The following KIF7 variants were observed in gnomAD, a reference collection of about 807,000 sequenced individuals.
The protein encoded by KIF7 is kinesin-like protein KIF7.
A neutral mutation model predicts 135.7 loss-of-function variants in KIF7; 104 were observed. The ratio of observed to expected loss-of-function variants is 0.77; its 90% CI spans 0.65 to 0.90. KIF7 has a LOEUF of 0.90. Among genes scored for constraint, KIF7 ranks in the 40% least tolerant of loss-of-function variants. The pLI is 0.00. For missense variants in KIF7, 2,005 were observed against 1,839.1 expected (o/e 1.09, Z -1.65); for synonymous variants, 883 against 809.4 (o/e 1.09, Z -1.54).
intron 11 of KIF7, among the ~76,000 whole-genome samples, chr15:89,635,936 G>A (rs569906073): frequency 0.013 from 2,050 of 151,980 alleles, 31 homozygotes; most frequent in Middle Eastern, 0.024. Context: ...GAGAAAGGTC[G>A]GGTTACCCAC....
At chr15:89,644,551 G>T (rs1963976814) in intron 10 of KIF7, among the ~76,000 whole-genome samples, 1 of 151,996 alleles carries the variant, frequency 6.6e-6, no homozygotes, top group Non-Finnish European at 1.5e-5. Flanking sequence ...TGGGTGTGGT[G>T]GCGGGCGCCT....
rs56346950 is a variant in KIF7, at chr15:89,654,330, G to GAA, written c.-25+1067_-25+1068dup. Among the ~76,000 whole-genome samples, 324 of 143,894 alleles carry GAA rather than the reference G, an allele frequency of 2.3e-3. 2 individuals are homozygous for GAA. Among genetic ancestry groups the GAA allele is most frequent in the African/African-American group, 5.7e-3 (226 of 39,318 alleles). The allele number at this position is 143,894 out of a possible 152,430, so 94.4% of individuals were successfully genotyped here. On this transcript the variant is annotated intron_variant, in intron 1 of 18. Coordinates refer to ENST00000394412, the MANE Select transcript of KIF7 (RefSeq NM_198525.3). ...GGCCTGGGATTCAAAATATTAAGGG[G>GAA]AAAAAAAAAAAAGACAAGCCTTAAA... is the stretch of plus-strand genomic sequence containing the variant.
Position 89,642,408 on chromosome 15 carries a change from G to C in KIF7, c.2192-3C>G, listed in dbSNP as rs1024819207. 1 of 1,593,674 alleles carries C rather than the reference G, an allele frequency of 6.3e-7. No homozygotes were observed. Among genetic ancestry groups the C allele is most frequent in the African/African-American group, 1.3e-5 (1 of 74,476 alleles). Reference sequence around the variant, plus strand: ...GTTCAGGGCCTGAGCTGCCTTTCCTGGAAGAAAGCGGGAATGTCAGCACAG... The same window carrying C: ...GTTCAGGGCCTGAGCTGCCTTTCCTCGAAGAAAGCGGGAATGTCAGCACAG... On this transcript the variant is annotated splice_region_variant and splice_polypyrimidine_tract_variant and intron_variant, in intron 10 of 18. Transcript: ENST00000394412.
At chr15:89,630,176 C>G in intron 16 of KIF7, 111 bp downstream of exon 16, 1 of 1,014,128 alleles carries the variant, frequency 9.9e-7, no homozygotes, top group Non-Finnish European at 1.5e-6. Context: ...GGTCCTGATT[C>G]TGTCCCCCAG....
In KIF7 at chr15:89,648,840, C is replaced by G; in HGVS notation, c.924-66G>C. The G allele has an allele frequency of 2.0e-6, 3 of 1,479,594 alleles. No individual in the cohort carries two copies. In the East Asian group the frequency reaches 7.4e-5, roughly 37 times the overall value. 91.7% of individuals were successfully genotyped at this position (1,479,594 alleles called of 1,614,324 possible). A position where few individuals can be genotyped will look rare whatever the true frequency, so the allele number is the denominator to read the frequency against. On this transcript the variant is annotated intron_variant, in intron 4 of 18. Transcript: ENST00000394412. Reference sequence around the variant, plus strand: ...CCAGGCCCAGGGCCAGCGGGCCAGACCTGGGACCGGCTCCTGGCGCGGTTC... The same window carrying G: ...CCAGGCCCAGGGCCAGCGGGCCAGAGCTGGGACCGGCTCCTGGCGCGGTTC...
intron 2 of KIF7, among the ~76,000 whole-genome samples, chr15:89,650,638 G>C (rs557111095): frequency 6.6e-6 from 1 of 151,946 alleles, no homozygotes; most frequent in Admixed American, 6.6e-5. Flanking sequence ...GTGATCCGCC[G>C]GCCTCAGCCT....
intron 2 of KIF7, among the ~76,000 whole-genome samples, chr15:89,651,690 G>C (rs1030174805): frequency 6.6e-6 from 1 of 152,160 alleles, no homozygotes; most frequent in African/African-American, 2.4e-5. Flanking sequence ...ATTTTATTTC[G>C]TGCATGTGTT....
In KIF7 at chr15:89,628,477, C is replaced by T. The variant is rs73477443; in HGVS notation, c.3974G>A (p.Arg1325Gln). 1.5e-5 allele frequency: 24 copies of T among 1,611,352 alleles called. No homozygotes were observed. Among genetic ancestry groups the T allele is most frequent in the Non-Finnish European group, 1.7e-5 (20 of 1,178,818 alleles). Reference sequence around the variant, plus strand: ...CGGGCTGGCTCGTCGCAGTTCCCGCCGGGGCTTGGACAAAGGCCCAAAGTT... The same window carrying T: ...CGGGCTGGCTCGTCGCAGTTCCCGCTGGGGCTTGGACAAAGGCCCAAAGTT... The part of the protein sequence containing the change: ...PWNFGPLSKP[R>Q]RELRRASPGM... Residue 1325 changes from arginine to glutamine, a missense_variant, in exon 19 of 19, where the codon CGG (arginine) becomes CAG (glutamine). Physicochemically the swap from Arg to Gln is conservative, Grantham distance 43. Transcript: ENST00000394412.
intron 11 of KIF7, among the ~76,000 whole-genome samples, chr15:89,638,494 T>C (rs1415090279): frequency 6.6e-6 from 1 of 151,664 alleles, no homozygotes; most frequent in Non-Finnish European, 1.5e-5. Flanking sequence ...AGCATTCTTA[T>C]ACACCAACAA....
downstream of KIF7, among the ~76,000 whole-genome samples, chr15:89,626,362 C>T (rs903381285): frequency 2.6e-5 from 4 of 152,214 alleles, no homozygotes; most frequent in African/African-American, 9.7e-5. Context: ...AACAGGAAGG[C>T]GTTCTGAGCA....
At chr15:89,647,174 G>A (rs963895782) in intron 6 of KIF7, 117 bp from the exon 7 acceptor site, 21 of 857,028 alleles carry the variant, frequency 2.5e-5, no homozygotes, top group Non-Finnish European at 4.0e-5. Flanking sequence ...AATGAGGAGT[G>A]TCAAATACTC....
chr15:89,645,816 A>T, intron 8 of KIF7, 77 bp downstream of exon 8: 1 of 1,545,300 alleles, frequency 6.5e-7, no homozygotes, highest in Non-Finnish European at 8.7e-7. Flanking sequence ...AGGAGAGGAG[A>T]CGGTGCGATC....
upstream of KIF7, among the ~76,000 whole-genome samples, chr15:89,660,142 G>C (rs1964244017): frequency 1.3e-5 from 2 of 152,196 alleles, no homozygotes; most frequent in South Asian, 4.1e-4. Flanking sequence ...GGGTTGAAGT[G>C]AGCCAAGATC....
At position 89,647,584 on chromosome 15, in the gene KIF7, C is replaced by A. The variant is rs527643414; in HGVS notation, c.1560+12G>T. 1 of 1,606,792 alleles carries A rather than the reference C, an allele frequency of 6.2e-7. No individual in the cohort carries two copies. Among genetic ancestry groups the A allele is most frequent in the Non-Finnish European group, 8.5e-7 (1 of 1,176,164 alleles). ...GGGAAGCCTTCCCCGCACTGTGAAGCGGGCGCCGCACCTGCAGTTTGTACT... is the reference window on the plus strand; with the variant it reads ...GGGAAGCCTTCCCCGCACTGTGAAGAGGGCGCCGCACCTGCAGTTTGTACT... On this transcript the variant is annotated intron_variant, in intron 6 of 18. Coordinates refer to ENST00000394412, the MANE Select transcript of KIF7 (RefSeq NM_198525.3).
At chr15:89,634,655 G>A (rs138295204) in intron 11 of KIF7, among the ~76,000 whole-genome samples, 23 of 152,354 alleles carry the variant, frequency 1.5e-4, no homozygotes, top group African/African-American at 2.4e-4. Flanking sequence ...ATTATATCCC[G>A]CACATGGCTC....
chr15:89,630,300 T>G lies in KIF7; in HGVS notation c.3305A>C (p.Lys1102Thr), dbSNP rs745367865. 1 of 1,614,068 alleles carries G rather than the reference T, an allele frequency of 6.2e-7. No homozygotes were observed. The highest frequency in any genetic ancestry group is 2.2e-5 in the East Asian group (1 of 44,858). Residue 1102 changes from lysine to threonine, a missense_variant, in exon 16 of 19, where the codon AAG becomes ACG. Lys to Thr is a moderately conservative substitution (Grantham distance 78). Transcript: ENST00000394412. ...CTGCTGGCCCACCTTGTCAAAATAC[T>G]TGCAGAGGAGGGCTCTGGTCTCTGA... Reference protein sequence around the residue: ...SSSETRALLCKYFDKVVTLRE... With the variant: ...SSSETRALLCTYFDKVVTLRE...
rs761354914 is a variant in KIF7 at position 89,632,835 on chromosome 15, G to T, written c.2880C>A (p.Arg960=). 1.2e-5 allele frequency: 20 copies of T among 1,606,498 alleles called. No individual in the cohort carries two copies. Among genetic ancestry groups the T allele is most frequent in the Admixed American group, 1.7e-5 (1 of 59,902 alleles). The change falls in exon 14 of 19, where the codon CGC becomes CGA. Residue 960 remains arginine, a synonymous_variant. Coordinates refer to ENST00000394412, the MANE Select transcript of KIF7 (RefSeq NM_198525.3). ...MQEKTGLESK[R]LRSSQALNED... ...AGGGCCTCACCTGGCTGGATCTCAGGCGCTTGCTCTCCAGCCCCGTCTTCT... is the reference window on the plus strand; with the variant it reads ...AGGGCCTCACCTGGCTGGATCTCAGTCGCTTGCTCTCCAGCCCCGTCTTCT...
upstream of KIF7, among the ~76,000 whole-genome samples, chr15:89,656,241 A>C (rs1373324113): frequency 6.6e-6 from 1 of 152,148 alleles, no homozygotes; most frequent in East Asian, 1.9e-4. Flanking sequence ...CACAATTTGA[A>C]GTGGCTTGAA....
At chr15:89,642,835 C>T (rs1284709195) in intron 10 of KIF7, among the ~76,000 whole-genome samples, 2 of 152,236 alleles carry the variant, frequency 1.3e-5, no homozygotes, top group African/African-American at 2.4e-5. Flanking sequence ...TCCCAAAGTC[C>T]TGGGATTACA....
Sources: allele counts gnomAD v4.1 joint callset (sites outside exome capture counted in the v4.1 genomes callset), GRCh38; gene constraint gnomAD v4.1.1; transcripts MANE v1.5; gene names NCBI Gene and HGNC (gene_info 2026-07-23, HGNC 2026-07-21).